Variants in EIF4E2 observed in about 807,000 individuals in gnomAD.
EIF4E2 encodes the protein eukaryotic translation initiation factor 4E type 2.
EIF4E2 carries 13 observed loss-of-function variants against 34.2 expected under a neutral mutation model. The observed-to-expected ratio is 0.38, with a 90% CI of 0.25 to 0.60. The LOEUF (loss-of-function observed/expected upper bound fraction) is 0.60. Ranked by LOEUF, EIF4E2 falls within the 20% of genes least tolerant of loss-of-function variation. The probability of loss-of-function intolerance (pLI) is 0.62; values close to 1 mark genes in which losing one functional copy is unlikely to be tolerated. For missense variants in EIF4E2, 222 were observed against 315.1 expected (o/e 0.70, Z 2.24); for synonymous variants, 100 against 106.6 (o/e 0.94, Z 0.38).
At chr2:232,579,613 C>T (rs934255025) in intron 6 of EIF4E2, among the ~76,000 whole-genome samples, 1 of 152,176 alleles carries the variant, frequency 6.6e-6, no homozygotes, top group Non-Finnish European at 1.5e-5. Context: ...CTGGGCTGAG[C>T]ATATTCTTTC....
At chr2:232,560,579 C>T (rs1692688577) in intron 3 of EIF4E2, among the ~76,000 whole-genome samples, 1 of 152,024 alleles carries the variant, frequency 6.6e-6, no homozygotes. Flanking sequence ...AGTTTGAGAC[C>T]AGCCTGGGCA....
At chr2:232,571,541 C>T (rs1197804962), downstream of EIF4E2, among the ~76,000 whole-genome samples, 1 of 152,156 alleles carries the variant, frequency 6.6e-6, no homozygotes, top group African/African-American at 2.4e-5. Context: ...GTGCATCTAG[C>T]CTGGAATGGA....
At chr2:232,564,881 CT>C (rs1194624793) in intron 4 of EIF4E2, among the ~76,000 whole-genome samples, 1 of 152,192 alleles carries the variant, frequency 6.6e-6, no homozygotes, top group African/African-American at 2.4e-5. Flanking sequence ...TTTTTAAAGA[CT>C]GTTTTATGAC....
intron 4 of EIF4E2, 92 bp downstream of exon 4, chr2:232,564,443 T>C: frequency 3.6e-6 from 1 of 280,420 alleles, no homozygotes; most frequent in East Asian, 7.9e-5. Flanking sequence ...AGTATTTTAT[T>C]TTATTTTATT....
chr2:232,559,679 C>T (rs1692651594), intron 3 of EIF4E2, among the ~76,000 whole-genome samples: 1 of 152,118 alleles, frequency 6.6e-6, no homozygotes, highest in African/African-American at 2.4e-5. Context: ...CACGGTGGCT[C>T]ATGCCTGTAA....
At chr2:232,570,896 C>T (rs1185908444), downstream of EIF4E2, among the ~76,000 whole-genome samples, 2 of 152,180 alleles carry the variant, frequency 1.3e-5, no homozygotes, top group African/African-American at 4.8e-5. Flanking sequence ...GAGATTGCAC[C>T]ACTGCACTCC....
rs911308854 is a variant in EIF4E2 at position 232,566,734 on chromosome 2, T to C, written c.376-95T>C. The C allele has an allele frequency of 3.6e-6, 5 of 1,378,534 alleles. No homozygotes were observed. Among genetic ancestry groups the C allele is most frequent in the Admixed American group, 2.1e-5 (1 of 48,462 alleles). The allele number at this position is 1,378,534 out of a possible 1,614,324, so 85.4% of individuals were successfully genotyped here. On this transcript the variant is annotated intron_variant, in intron 4 of 6. Coordinates refer to ENST00000258416, the MANE Select transcript of EIF4E2 (RefSeq NM_004846.4). This position sits in a 1 kb window ranked among gnomAD's most constrained non-coding sequence, Gnocchi z 4.9. The stretch of plus-strand genomic sequence containing the variant: ...AATAATTGGAAAGTGATATGACTTC[T>C]TAGTGTTTAAGAGATTCTTGGCTTT...
At chr2:232,576,683 TTA>T in intron 6 of EIF4E2, among the ~76,000 whole-genome samples, 1 of 152,232 alleles carries the variant, frequency 6.6e-6, no homozygotes, top group Non-Finnish European at 1.5e-5. Flanking sequence ...CTTCATTGTC[TTA>T]ATAGACTTGA....
At chr2:232,553,603 G>T (rs893944165) in intron 1 of EIF4E2, among the ~76,000 whole-genome samples, 1 of 152,178 alleles carries the variant, frequency 6.6e-6, no homozygotes, top group Non-Finnish European at 1.5e-5. Context: ...AGTTTAGGGA[G>T]CACTGATTTT....
At chr2:232,562,597 A>C (rs1692761820) in intron 3 of EIF4E2, among the ~76,000 whole-genome samples, 1 of 152,190 alleles carries the variant, frequency 6.6e-6, no homozygotes, top group East Asian at 1.9e-4. Context: ...TCTCAAAAAA[A>C]CAAACAAAAA....
At chr2:232,578,980 G>A (rs1051153423) in intron 6 of EIF4E2, among the ~76,000 whole-genome samples, 9 of 152,208 alleles carry the variant, frequency 5.9e-5, no homozygotes, top group Non-Finnish European at 2.9e-5. Flanking sequence ...GGGCATAGAC[G>A]TGCCTGTAAA....
chr2:232,571,714 T>A (rs1489796571), downstream of EIF4E2, among the ~76,000 whole-genome samples: 1 of 152,196 alleles, frequency 6.6e-6, no homozygotes, highest in African/African-American at 2.4e-5. Flanking sequence ...ATCATTGTAT[T>A]TCAACACTGA....
chr2:232,558,306 A>C (rs762653779), intron 3 of EIF4E2: 12 of 215,008 alleles, frequency 5.6e-5, no homozygotes, highest in Non-Finnish European at 9.3e-5. Flanking sequence ...TAATTGAGAC[A>C]GAGTCTCTTG....
Position 232,581,132 on chromosome 2 carries a change from G to T in EIF4E2, c.*189G>T, listed in dbSNP as rs1693350274. 2.8e-6 allele frequency: 2 copies of T among 719,256 alleles called. No homozygotes were observed. The highest frequency in any genetic ancestry group is 2.7e-5 in the East Asian group (1 of 36,790). The allele number at this position is 719,256 out of a possible 1,614,324, so 44.6% of individuals were successfully genotyped here. On this transcript the variant is annotated 3_prime_UTR_variant, in exon 7 of 7. Coordinates refer to the EIF4E2 transcript ENST00000409098. The surrounding 1 kb of genome is among the most constrained non-coding windows in gnomAD (Gnocchi z 5.2). ...CCAGCATCGCTGACTTTATAAAGCG[G>T]AAAAACGGAAAACGTGACTTTGTAA...
chr2:232,581,190 G>T lies in EIF4E2; in HGVS notation c.*247G>T. On this transcript the variant is annotated 3_prime_UTR_variant, in exon 7 of 7. Transcript: ENST00000409098. This position sits in a 1 kb window ranked among gnomAD's most constrained non-coding sequence, Gnocchi z 5.2. ...ACATTGTTTTTTAATGGGGTTCCAT[G>T]GGGGGGCGTTCAGCCTTTCTGTTTG... 3 of 616,300 alleles carry T rather than the reference G, an allele frequency of 4.9e-6. No individual in the cohort carries two copies. The highest frequency in any genetic ancestry group is 4.3e-5 in the Admixed American group (2 of 46,460). The allele number at this position is 616,300 out of a possible 1,614,324, so 38.2% of individuals were successfully genotyped here.
chr2:232,557,078 C>A (rs1197399956), intron 2 of EIF4E2, among the ~76,000 whole-genome samples: 1 of 152,170 alleles, frequency 6.6e-6, no homozygotes, highest in Non-Finnish European at 1.5e-5. Flanking sequence ...AACCCCATCT[C>A]TACTAAAAAT....
chr2:232,574,922 A>G (rs1693174180), intron 6 of EIF4E2, among the ~76,000 whole-genome samples: 1 of 152,222 alleles, frequency 6.6e-6, no homozygotes, highest in African/African-American at 2.4e-5. Context: ...CTGAGGTACA[A>G]AGACTGGGCC....
intron 1 of EIF4E2, among the ~76,000 whole-genome samples, chr2:232,554,186 G>C (rs1692438537): frequency 6.6e-6 from 1 of 152,180 alleles, no homozygotes; most frequent in African/African-American, 2.4e-5. Context: ...ACTCAGCCTA[G>C]GTTGGAAGAG....
downstream of EIF4E2, chr2:232,573,637 G>T (rs1438703826): frequency 5.9e-6 from 1 of 170,642 alleles, no homozygotes; most frequent in Non-Finnish European, 1.3e-5. Flanking sequence ...AATGGGCATT[G>T]TTCCCTGGAA....
Sources: allele counts gnomAD v4.1 joint callset (sites outside exome capture counted in the v4.1 genomes callset), GRCh38; gene constraint gnomAD v4.1.1; non-coding constraint Gnocchi (gnomAD v3.1); transcripts MANE v1.5; gene names NCBI Gene and HGNC (gene_info 2026-07-23, HGNC 2026-07-21).